Variants in GRAMD4 observed in about 807,000 individuals in gnomAD.
GRAMD4 encodes the protein GRAM domain-containing protein 4.
Under a neutral mutation model 83.9 loss-of-function variants are expected in GRAMD4, and 25 were observed. The ratio of observed to expected loss-of-function variants is 0.30; its 90% CI spans 0.22 to 0.42. The LOEUF is 0.42. Among genes scored for constraint, GRAMD4 ranks in the 10% least tolerant of loss-of-function variants. GRAMD4 has a pLI of 1.00. For missense variants in GRAMD4, 593 were observed against 788.7 expected, an observed-to-expected ratio of 0.75 and a Z score of 2.97; for synonymous variants, 336 against 320.9, an observed-to-expected ratio of 1.05 and a Z score of -0.50.
intron 1 of GRAMD4, among the ~76,000 whole-genome samples, chr22:46,578,737 G>A (rs567303253): frequency 6.6e-6 from 1 of 152,322 alleles, no homozygotes; most frequent in East Asian, 1.9e-4. Context: ...AGTGACCTCA[G>A]TAACCCTGCC....
At chr22:46,676,996 G>A in intron 18 of GRAMD4, 151 bp from the exon 19 acceptor site, 1 of 855,932 alleles carries the variant, frequency 1.2e-6, no homozygotes, top group Non-Finnish European at 1.8e-6. Flanking sequence ...CTGGAGCCTG[G>A]CTCCGGGTGG....
At chr22:46,598,027 G>C (rs1006034907) in intron 1 of GRAMD4, among the ~76,000 whole-genome samples, 1 of 152,072 alleles carries the variant, frequency 6.6e-6, no homozygotes, top group Non-Finnish European at 1.5e-5. Flanking sequence ...TGTCGCCCAG[G>C]CTGGAGTGCA....
chr22:46,670,047 C>T (rs1378405911), intron 13 of GRAMD4, among the ~76,000 whole-genome samples: 1 of 152,256 alleles, frequency 6.6e-6, no homozygotes, highest in Non-Finnish European at 1.5e-5. Context: ...CGCAGGACAG[C>T]GTGTGCGGCT....
At chr22:46,663,309 G>A in intron 6 of GRAMD4, 137 bp downstream of exon 6, 8 of 834,364 alleles carry the variant, frequency 9.6e-6, no homozygotes, top group South Asian at 5.1e-5. Flanking sequence ...TGGAGGCTCC[G>A]CTGTGTCTGG....
In GRAMD4 at chr22:46,668,705, T is replaced by C. The variant is rs768946244; in HGVS notation, c.947T>C (p.Met316Thr). 1.2e-6 allele frequency: 2 copies of C among 1,612,322 alleles called. No individual in the cohort carries two copies. The highest frequency in any genetic ancestry group is 1.7e-6 in the Non-Finnish European group (2 of 1,179,320). ...AQKAQNLFGK[M>T]ADILEKIKNL... ...TTCACACAGAACCTTTTCGGGAAGA[T>C]GGCTGACATCCTGGAGAAGATCAAG... The change falls in exon 12 of 19, where the codon ATG (methionine) becomes ACG (threonine). Residue 316 changes from methionine to threonine, a missense_variant. Physicochemically the swap from Met to Thr is moderately conservative, Grantham distance 81. Coordinates refer to ENST00000406902, the MANE Select transcript of GRAMD4 (RefSeq NM_015124.5).
rs996478749 is a variant in GRAMD4 at position 46,676,644 on chromosome 22, C to T, written c.1608C>T (p.Ala536=). 18 of 1,548,800 alleles carry T rather than the reference C, an allele frequency of 1.2e-5. No homozygotes were observed. Among genetic ancestry groups the T allele is most frequent in the African/African-American group, 5.5e-5 (4 of 73,028 alleles). Residue 536 remains alanine, a synonymous_variant, in exon 18 of 19, where the codon GCC becomes GCT. Coordinates refer to ENST00000406902, the MANE Select transcript of GRAMD4 (RefSeq NM_015124.5). ...TCCCAGGCTCAGGCATGGGGATTGC[C>T]GTGTCGACGCCATCCACCCAGAAAG... ...SVLPGSGMGI[A]VSTPSTQKPL...
chr22:46,681,930 G>T (rs2082673269), downstream of GRAMD4, among the ~76,000 whole-genome samples: 1 of 152,166 alleles, frequency 6.6e-6, no homozygotes, highest in South Asian at 2.1e-4. Flanking sequence ...AGCAGTGTTT[G>T]GAGGACAGGG....
chr22:46,585,592 C>T (rs2081141761), intron 1 of GRAMD4, among the ~76,000 whole-genome samples: 1 of 152,244 alleles, frequency 6.6e-6, no homozygotes, highest in Non-Finnish European at 1.5e-5. Context: ...AGACTTTCAC[C>T]CTTGTGTTCG....
chr22:46,626,521 C>T (rs767256754), intron 1 of GRAMD4, among the ~76,000 whole-genome samples: 8 of 151,784 alleles, frequency 5.3e-5, no homozygotes, highest in Non-Finnish European at 8.8e-5. Context: ...GGGTGCAGGG[C>T]GGGGGTCTCT....
At chr22:46,593,319 C>T (rs1370491650) in intron 1 of GRAMD4, among the ~76,000 whole-genome samples, 1 of 152,068 alleles carries the variant, frequency 6.6e-6, no homozygotes, top group African/African-American at 2.4e-5. Flanking sequence ...GCGGGCGGCC[C>T]TTGTTGCAGG....
At chr22:46,680,524 C>T (rs2082655200), downstream of GRAMD4, among the ~76,000 whole-genome samples, 1 of 138,980 alleles carries the variant, frequency 7.2e-6, no homozygotes, top group East Asian at 2.1e-4. Flanking sequence ...AGCCACTGAT[C>T]CATCCATTCA....
intron 3 of GRAMD4, among the ~76,000 whole-genome samples, chr22:46,651,723 C>T (rs1285349764): frequency 6.6e-6 from 1 of 152,212 alleles, no homozygotes. Context: ...TGGAACACCT[C>T]CTCCATCCGT....
intron 2 of GRAMD4, among the ~76,000 whole-genome samples, chr22:46,632,881 C>T (rs1259745027): frequency 3.9e-5 from 6 of 152,222 alleles, no homozygotes; most frequent in African/African-American, 7.2e-5. Context: ...GGGTGCTGGG[C>T]GTGGCGGAGT....
At chr22:46,578,628 G>C (rs2081068138) in intron 1 of GRAMD4, among the ~76,000 whole-genome samples, 1 of 152,162 alleles carries the variant, frequency 6.6e-6, no homozygotes, top group Non-Finnish European at 1.5e-5. Context: ...GCCCATTTGG[G>C]GATGCACAGT....
At chr22:46,624,621 C>T (rs2081627407) in intron 1 of GRAMD4, among the ~76,000 whole-genome samples, 1 of 152,146 alleles carries the variant, frequency 6.6e-6, no homozygotes, top group African/African-American at 2.4e-5. Context: ...CCACTGCTCC[C>T]AGCTGTTCTC....
intron 1 of GRAMD4, among the ~76,000 whole-genome samples, chr22:46,626,158 G>C (rs1049007280): frequency 6.6e-6 from 1 of 152,222 alleles, no homozygotes; most frequent in African/African-American, 2.4e-5. Flanking sequence ...GGTGGAGCAG[G>C]TGGGACACAA....
At chr22:46,590,212 C>T (rs2081193420) in intron 1 of GRAMD4, among the ~76,000 whole-genome samples, 1 of 152,210 alleles carries the variant, frequency 6.6e-6, no homozygotes, top group African/African-American at 2.4e-5. Flanking sequence ...CCTCCTGCGT[C>T]CAGAGGGGCG....
At chr22:46,610,122 C>G (rs2081403068) in intron 1 of GRAMD4, among the ~76,000 whole-genome samples, 1 of 152,220 alleles carries the variant, frequency 6.6e-6, no homozygotes, top group Admixed American at 6.5e-5. Flanking sequence ...ACCGTCCAGG[C>G]TGCCCCAGCC....
At chr22:46,578,970 G>A (rs949147822) in intron 1 of GRAMD4, among the ~76,000 whole-genome samples, 3 of 152,246 alleles carry the variant, frequency 2.0e-5, no homozygotes, top group African/African-American at 7.2e-5. Flanking sequence ...GGGTCTCAGT[G>A]AGCCACCAGC....
Sources: gnomAD v4.1 joint callset for allele counts (sites outside exome capture counted in the v4.1 genomes callset) on GRCh38, gnomAD v4.1.1 for gene constraint, MANE v1.5 for transcripts, NCBI Gene and HGNC (gene_info 2026-07-23, HGNC 2026-07-21) for gene names.